FBXW11: variants seen among roughly 807,000 people sequenced by gnomAD.
FBXW11 encodes F-box and WD repeat domain containing 11.
A neutral mutation model predicts 77.6 loss-of-function variants in FBXW11; 19 were observed. The observed-to-expected ratio is 0.24, with a 90% CI of 0.17 to 0.36. The LOEUF is 0.36. Ranked by LOEUF, FBXW11 falls within the 10% of genes least tolerant of loss-of-function variation. FBXW11 has a pLI of 1.00. For synonymous variants in FBXW11, 235 were observed against 249.4 expected, an observed-to-expected ratio of 0.94 and a Z score of 0.54; for missense variants, 334 against 704.2, an observed-to-expected ratio of 0.47 and a Z score of 5.95.
intron 1 of FBXW11, among the ~76,000 whole-genome samples, chr5:171,975,692 G>A (rs1764790527): frequency 6.6e-6 from 1 of 152,142 alleles, no homozygotes; most frequent in South Asian, 2.1e-4. Context: ...TACAGTAAAG[G>A]TTAAAAGAAA....
rs527270659 is a variant in FBXW11 at position 172,001,913 on chromosome 5, A to G, written c.45+4545T>C. Among the ~76,000 whole-genome samples, 9 of 152,344 alleles carry G rather than the reference A, an allele frequency of 5.9e-5. No individual in the cohort carries two copies. In the South Asian group the frequency reaches 1.9e-3, roughly 32 times the overall value. On this transcript the variant is annotated intron_variant, in intron 1 of 13. Coordinates refer to ENST00000517395, the MANE Select transcript of FBXW11 (RefSeq NM_001378974.1). ...GGTCCATTCCTATCAGTGCTGACAA[A>G]GGAAACGTGTGAGCAGAATCTGGAG... is the stretch of plus-strand genomic sequence containing the variant.
intron 1 of FBXW11, among the ~76,000 whole-genome samples, chr5:171,992,342 G>A (rs1765786120): frequency 6.6e-6 from 1 of 151,288 alleles, no homozygotes; most frequent in African/African-American, 2.4e-5. Flanking sequence ...TGGGAGAATC[G>A]CTTGAACCCA....
chr5:171,898,913 C>T (rs928782994), intron 6 of FBXW11, 91 bp downstream of exon 6: 5 of 722,174 alleles, frequency 6.9e-6, no homozygotes, highest in African/African-American at 3.6e-5. Context: ...ATTAGTTCTA[C>T]GATTTTAGAC....
intron 1 of FBXW11, among the ~76,000 whole-genome samples, chr5:171,991,587 T>C (rs1336849076): frequency 6.6e-6 from 1 of 152,216 alleles, no homozygotes; most frequent in Non-Finnish European, 1.5e-5. Context: ...AGATTCCCAT[T>C]TCCCATCTTA....
At position 171,894,349 on chromosome 5, in the gene FBXW11, C is replaced by G. The variant is rs528325298; in HGVS notation, c.715-2745G>C. ...TTAGCTTCTCAACACTTATAAAAAG[C>G]CTACTTTTCTCAAATAAGTTTCTGC... On this transcript the variant is annotated intron_variant, in intron 6 of 13. Coordinates refer to ENST00000517395, the MANE Select transcript of FBXW11 (RefSeq NM_001378974.1). 2.0e-5 allele frequency among the ~76,000 whole-genome samples: 3 copies of G among 152,336 alleles called. No homozygotes were observed. The East Asian group carries it at 5.8e-4, about 29-fold the overall frequency.
At chr5:171,864,841 CA>C (rs1757285564) in intron 13 of FBXW11, among the ~76,000 whole-genome samples, 1 of 151,634 alleles carries the variant, frequency 6.6e-6, no homozygotes, top group Non-Finnish European at 1.5e-5. Context: ...ATCATTTTTA[CA>C]TACAATGCAG....
rs1758096388 is a variant in FBXW11, at chr5:171,876,560, G to A, written c.972-26C>T. 2.5e-6 allele frequency: 4 copies of A among 1,606,874 alleles called. No homozygotes were observed. The South Asian group carries it at 4.4e-5, about 18-fold the overall frequency. Reference sequence around the variant, plus strand: ...CTAGGAGAGAAGAGAAAAGCATGATGCTTAATTATGGAGACAGCCAGGAAA... The same window carrying A: ...CTAGGAGAGAAGAGAAAAGCATGATACTTAATTATGGAGACAGCCAGGAAA... On this transcript the variant is annotated intron_variant, in intron 8 of 13. Transcript: ENST00000517395. The surrounding 1 kb of genome is among the most constrained non-coding windows in gnomAD (Gnocchi z 4.2).
chr5:171,922,581 C>T (rs1761657089), intron 2 of FBXW11, among the ~76,000 whole-genome samples: 1 of 152,218 alleles, frequency 6.6e-6, no homozygotes, highest in Non-Finnish European at 1.5e-5. Flanking sequence ...CACCATCAAA[C>T]AGCTTGACTG....
chr5:171,950,597 A>T (rs1763257386), intron 2 of FBXW11, among the ~76,000 whole-genome samples: 2 of 152,192 alleles, frequency 1.3e-5, no homozygotes, highest in African/African-American at 4.8e-5. Context: ...TCTATTCAAA[A>T]AAAAATGGCT....
chr5:171,952,512 G>T (rs1330332886), intron 2 of FBXW11, among the ~76,000 whole-genome samples: 8 of 129,990 alleles, frequency 6.2e-5, no homozygotes, highest in African/African-American at 2.3e-4. Context: ...GAGTGCAGTG[G>T]TACAATCTCG....
rs60601173 is a variant in FBXW11 at position 171,917,766 on chromosome 5, CTGTGTGTGTGTG to C, written c.148-3373_148-3362del. Among the ~76,000 whole-genome samples the C allele has an allele frequency of 1.0e-4, 15 of 147,578 alleles. No individual in the cohort carries two copies. In the East Asian group the frequency reaches 2.4e-3, roughly 24 times the overall value. ...CACATCCTTGCACTCTAGACTCACT[CTGTGTGTGTGTG>C]TGTGTGTGTGTGTGTGTGTGTAAAT... On this transcript the variant is annotated intron_variant, in intron 2 of 13. Coordinates refer to ENST00000517395, the MANE Select transcript of FBXW11 (RefSeq NM_001378974.1).
intron 1 of FBXW11, among the ~76,000 whole-genome samples, chr5:172,004,471 G>C (rs775142925): frequency 6.6e-6 from 1 of 152,136 alleles, no homozygotes; most frequent in Non-Finnish European, 1.5e-5. Flanking sequence ...TAAGTTATAA[G>C]CATAGGAAGC....
At chr5:171,928,289 T>C (rs113058459) in intron 2 of FBXW11, among the ~76,000 whole-genome samples, 1 of 152,308 alleles carries the variant, frequency 6.6e-6, no homozygotes, top group African/African-American at 2.4e-5. Context: ...TGTTCATGGA[T>C]TGCAAGACTT....
At chr5:171,956,768 C>A (rs1763634441) in intron 2 of FBXW11, among the ~76,000 whole-genome samples, 1 of 152,216 alleles carries the variant, frequency 6.6e-6, no homozygotes, top group African/African-American at 2.4e-5. Context: ...AAAGATATAT[C>A]AAACTGTCTG....
At chr5:171,865,692 A>G (rs902473841) in intron 13 of FBXW11, among the ~76,000 whole-genome samples, 2 of 152,232 alleles carry the variant, frequency 1.3e-5, no homozygotes, top group Non-Finnish European at 2.9e-5. Flanking sequence ...AAATTTCCTA[A>G]TAACGATCTT....
rs1275914629 is a variant in FBXW11 at position 171,876,319 on chromosome 5, T to C, written c.1187A>G (p.Tyr396Cys). The part of the protein sequence containing the change: ...AVNVVDFDDK[Y>C]IVSASGDRTI... The stretch of plus-strand genomic sequence containing the variant: ...CCTGTCACCAGAGGCAGACACGATG[T>C]ACTTGTCGTCAAAGTCTACTACATT... Residue 396 changes from tyrosine to cysteine, a missense_variant, in exon 9 of 14, where the codon TAC (tyrosine) becomes TGC (cysteine). Physicochemically the swap from Tyr to Cys is radical, Grantham distance 194 (BLOSUM62 -2). Around this residue, in one of 10 missense-constraint regions of FBXW11, gnomAD observed 50 missense variants for 119.6 expected, o/e 0.42. Coordinates refer to ENST00000517395, the MANE Select transcript of FBXW11 (RefSeq NM_001378974.1). This position sits in a 1 kb window ranked among gnomAD's most constrained non-coding sequence, Gnocchi z 4.2. 3.1e-6 allele frequency: 5 copies of C among 1,614,202 alleles called. No homozygotes were observed. The highest frequency in any genetic ancestry group is 3.4e-6 in the Non-Finnish European group (4 of 1,180,038).
intron 7 of FBXW11, among the ~76,000 whole-genome samples, chr5:171,889,799 A>G (rs1759196558): frequency 6.6e-6 from 1 of 151,528 alleles, no homozygotes; most frequent in Non-Finnish European, 1.5e-5. Context: ...GAGGCAGGAT[A>G]ATCGCTCAAA....
At chr5:171,886,346 C>T (rs1257987833) in intron 7 of FBXW11, among the ~76,000 whole-genome samples, 2 of 148,864 alleles carry the variant, frequency 1.3e-5, no homozygotes, top group Non-Finnish European at 3.0e-5. Context: ...ACCGCATGTT[C>T]TCACTCATAG....
chr5:171,984,148 T>C (rs1765304039), intron 1 of FBXW11, among the ~76,000 whole-genome samples: 1 of 152,142 alleles, frequency 6.6e-6, no homozygotes, highest in Non-Finnish European at 1.5e-5. Flanking sequence ...AGAAAAGGCC[T>C]TTAAGAAGAG....
Sources: gnomAD v4.1 joint callset for allele counts (sites outside exome capture counted in the v4.1 genomes callset) on GRCh38, gnomAD v4.1.1 for gene constraint, gnomAD v4.1.1 regional missense constraint, Gnocchi (gnomAD v3.1) non-coding constraint, MANE v1.5 for transcripts, NCBI Gene and HGNC (gene_info 2026-07-23, HGNC 2026-07-21) for gene names.